The following SLMAP variants were observed in gnomAD, a reference collection of about 807,000 sequenced individuals.
SLMAP encodes sarcolemma associated protein, also known as sarcolemmal membrane-associated protein.
SLMAP carries 44 observed loss-of-function variants against 128.8 expected under a neutral mutation model. The ratio of observed to expected loss-of-function variants is 0.34; its 90% CI spans 0.27 to 0.44. The LOEUF (loss-of-function observed/expected upper bound fraction) is 0.44, where lower values mean the gene tolerates loss of function less well. SLMAP is among the 20% of genes least tolerant of loss of function. The pLI is 1.00. For missense variants in SLMAP, 787 were observed against 985.3 expected, an observed-to-expected ratio of 0.80 and a Z score of 2.69; for synonymous variants, 327 against 348.8, an observed-to-expected ratio of 0.94 and a Z score of 0.70.
intron 2 of SLMAP, among the ~76,000 whole-genome samples, chr3:57,812,480 G>T (rs921561059): frequency 6.6e-6 from 1 of 152,084 alleles, no homozygotes; most frequent in Non-Finnish European, 1.5e-5. Context: ...GTTTTGATTA[G>T]TGTAGCTTTG....
intron 22 of SLMAP, 34 bp downstream of exon 22, chr3:57,917,111 G>A (rs1415177677): frequency 6.2e-7 from 1 of 1,612,568 alleles, no homozygotes; most frequent in South Asian, 1.1e-5. Flanking sequence ...CCCAATTATG[G>A]TTGGACTTAA....
chr3:57,820,312 C>CT (rs1478357627), intron 2 of SLMAP, among the ~76,000 whole-genome samples: 1 of 151,910 alleles, frequency 6.6e-6, no homozygotes, highest in Non-Finnish European at 1.5e-5. Context: ...TTTTTGATGT[C>CT]TAAAAGATTG....
At chr3:57,875,210 G>A (rs1311802848) in intron 14 of SLMAP, among the ~76,000 whole-genome samples, 1 of 152,142 alleles carries the variant, frequency 6.6e-6, no homozygotes, top group Admixed American at 6.5e-5. Context: ...CCATTTTTGT[G>A]TACAAAGGGT....
chr3:57,889,914 A>G, intron 14 of SLMAP, 127 bp from the exon 15 acceptor site: 1 of 594,300 alleles, frequency 1.7e-6, no homozygotes, highest in Non-Finnish European at 3.1e-6. Context: ...TCAAGTTTTT[A>G]TTCAAGCTTG....
chr3:57,914,445 T>C (rs1184295872), intron 21 of SLMAP, among the ~76,000 whole-genome samples: 1 of 152,018 alleles, frequency 6.6e-6, no homozygotes, highest in Non-Finnish European at 1.5e-5. Context: ...GTTTATAAGA[T>C]GTAAAAAACT....
At chr3:57,845,844 C>T (rs575909756) in intron 4 of SLMAP, among the ~76,000 whole-genome samples, 1 of 151,810 alleles carries the variant, frequency 6.6e-6, no homozygotes, top group South Asian at 2.1e-4. Context: ...ATCTCCCCCC[C>T]ACCTTTTTTT....
intron 2 of SLMAP, among the ~76,000 whole-genome samples, chr3:57,793,723 A>G (rs1250811764): frequency 2.6e-5 from 4 of 152,082 alleles, no homozygotes; most frequent in East Asian, 1.9e-4. Flanking sequence ...TAGATAATAT[A>G]TGTACCTTCT....
At chr3:57,806,319 G>A (rs1044940302) in intron 2 of SLMAP, among the ~76,000 whole-genome samples, 1 of 152,066 alleles carries the variant, frequency 6.6e-6, no homozygotes, top group African/African-American at 2.4e-5. Flanking sequence ...TTGGTTTTCT[G>A]TTTCTGTATT....
rs549673151 is a variant in SLMAP at position 57,830,951 on chromosome 3, T to C, written c.199-432T>C. Among the ~76,000 whole-genome samples, 13 of 152,358 alleles carry C rather than the reference T, an allele frequency of 8.5e-5. No individual in the cohort carries two copies. In the East Asian group the frequency reaches 2.3e-3, roughly 27 times the overall value. Reference sequence around the variant, plus strand: ...AATAATATTCAGTTATATGAATGTCTACCACATTTGTTTATTCATTTATCA... The same window carrying C: ...AATAATATTCAGTTATATGAATGTCCACCACATTTGTTTATTCATTTATCA... On this transcript the variant is annotated intron_variant, in intron 2 of 24. Transcript: ENST00000671191.
At position 57,871,622 on chromosome 3, in the gene SLMAP, T is replaced by A; in HGVS notation, c.1238-14T>A. ...AACAAACTATATCCTTAAAGGTGTT[T>A]CTTTCTTTATTAGAGCACTTGCTTT... On this transcript the variant is annotated splice_polypyrimidine_tract_variant and intron_variant, in intron 13 of 24. Transcript: ENST00000671191. 6.2e-7 allele frequency: 1 copy of A among 1,607,522 alleles called. No individual in the cohort carries two copies. The highest frequency in any genetic ancestry group is 8.5e-7 in the Non-Finnish European group (1 of 1,174,666).
intron 2 of SLMAP, among the ~76,000 whole-genome samples, chr3:57,770,127 A>C (rs180712520): frequency 2.5e-4 from 38 of 152,342 alleles, no homozygotes; most frequent in Admixed American, 3.9e-4. Context: ...GCCATTATGC[A>C]TTCTTAGTCT....
chr3:57,909,848 G>C (rs577020294), intron 19 of SLMAP, among the ~76,000 whole-genome samples: 10 of 151,862 alleles, frequency 6.6e-5, no homozygotes, highest in Non-Finnish European at 1.3e-4. Flanking sequence ...CCAACCTCAG[G>C]TGATCCACCA....
intron 2 of SLMAP, among the ~76,000 whole-genome samples, chr3:57,824,231 C>T (rs1223367145): frequency 6.6e-6 from 1 of 151,838 alleles, no homozygotes; most frequent in Non-Finnish European, 1.5e-5. Flanking sequence ...GTCTGAGGAG[C>T]AGAGAGAAAA....
chr3:57,795,628 T>C (rs1292206700), intron 2 of SLMAP, among the ~76,000 whole-genome samples: 3 of 152,128 alleles, frequency 2.0e-5, no homozygotes, highest in African/African-American at 7.2e-5. Flanking sequence ...TGTAAGTATT[T>C]TCTCTCATTC....
chr3:57,924,364 T>C (rs542574487), intron 23 of SLMAP, among the ~76,000 whole-genome samples: 1 of 152,034 alleles, frequency 6.6e-6, no homozygotes, highest in African/African-American at 2.4e-5. Flanking sequence ...GCCTTTTTTT[T>C]TTCTTTTTTC....
chr3:57,825,245 T>A (rs1321350902), intron 2 of SLMAP, among the ~76,000 whole-genome samples: 1 of 152,056 alleles, frequency 6.6e-6, no homozygotes, highest in East Asian at 1.9e-4. Context: ...TTTTATTCTT[T>A]CTAGACAAGA....
At chr3:57,926,102 T>C in intron 24 of SLMAP, 168 bp downstream of exon 24, 1 of 598,710 alleles carries the variant, frequency 1.7e-6, no homozygotes, top group South Asian at 2.1e-5. Flanking sequence ...AACAGTCAAC[T>C]AATCCCATAA....
At chr3:57,909,436 A>C (rs1406360913) in intron 19 of SLMAP, among the ~76,000 whole-genome samples, 2 of 145,082 alleles carry the variant, frequency 1.4e-5, no homozygotes, top group Non-Finnish European at 3.0e-5. Flanking sequence ...TGGGAGGTGG[A>C]GGTTTCAGTG....
At chr3:57,896,691 A>G in intron 16 of SLMAP, 100 bp downstream of exon 16, 3 of 1,274,580 alleles carry the variant, frequency 2.4e-6, no homozygotes, top group Non-Finnish European at 3.2e-6. Flanking sequence ...GTTTGGGGAA[A>G]AAAAAAACGC....
Sources: allele counts gnomAD v4.1 joint callset (sites outside exome capture counted in the v4.1 genomes callset), GRCh38; gene constraint gnomAD v4.1.1; transcripts MANE v1.5; gene names NCBI Gene and HGNC (gene_info 2026-07-23, HGNC 2026-07-21).